Variants in ETNK1 observed in about 807,000 individuals in gnomAD.
The protein encoded by ETNK1 is putative protein product of Nbla10396.
In ETNK1, 8 loss-of-function variants were observed where a neutral mutation model predicts 45.1. That is an observed-to-expected ratio of 0.18 (90% CI 0.10 to 0.32). ETNK1 has a LOEUF of 0.32. Ranked by LOEUF, ETNK1 falls within the 10% of genes least tolerant of loss-of-function variation. The probability of loss-of-function intolerance (pLI) is 1.00; values close to 1 mark genes in which losing one functional copy is unlikely to be tolerated. For synonymous variants in ETNK1, 152 were observed against 151.9 expected, an observed-to-expected ratio of 1.00 and a Z score of -0.01; for missense variants, 302 against 430.6, an observed-to-expected ratio of 0.70 and a Z score of 2.64.
At chr12:22,630,949 A>G (rs1953572036) in intron 1 of ETNK1, among the ~76,000 whole-genome samples, 1 of 152,086 alleles carries the variant, frequency 6.6e-6, no homozygotes. Context: ...CATGTATTAG[A>G]GAAGTGACAG....
At chr12:22,676,011 A>C (rs937651003) in intron 6 of ETNK1, among the ~76,000 whole-genome samples, 4 of 152,094 alleles carry the variant, frequency 2.6e-5, no homozygotes, top group African/African-American at 9.7e-5. Flanking sequence ...TCAATTAAAA[A>C]AATTTTTTAT....
At chr12:22,646,286 C>T (rs1487631246) in intron 2 of ETNK1, among the ~76,000 whole-genome samples, 1 of 151,672 alleles carries the variant, frequency 6.6e-6, no homozygotes, top group African/African-American at 2.4e-5. Context: ...AACAAAACGT[C>T]TGAGTTACAC....
intron 4 of ETNK1, among the ~76,000 whole-genome samples, chr12:22,669,120 T>C (rs1954081284): frequency 6.6e-6 from 1 of 152,202 alleles, no homozygotes. Context: ...TAAAAAATTA[T>C]ATATTAAAAC....
At chr12:22,638,257 T>A (rs1408516582) in intron 1 of ETNK1, among the ~76,000 whole-genome samples, 7 of 89,644 alleles carry the variant, frequency 7.8e-5, no homozygotes, top group Non-Finnish European at 1.6e-4. Context: ...AAGGTGGGGT[T>A]TTTTTTTTTT....
In ETNK1 at chr12:22,625,337, C is replaced by T. The variant is rs1411503952; in HGVS notation, c.-94C>T. 1 of 1,583,398 alleles carries T rather than the reference C, an allele frequency of 6.3e-7. No individual in the cohort carries two copies. On this transcript the variant is annotated 5_prime_UTR_variant, in exon 1 of 8. Transcript: ENST00000266517. ...CCCCAGCCCTCCCGCGAGGGCGCCC[C>T]GGGACGGAAGGATCCACCAGTCTGT... is the stretch of plus-strand genomic sequence containing the variant.
At chr12:22,679,702 G>GTTTTTT (rs71444173) in intron 6 of ETNK1, among the ~76,000 whole-genome samples, 2 of 128,542 alleles carry the variant, frequency 1.6e-5, no homozygotes, top group Non-Finnish European at 1.6e-5. Context: ...TTGGTTTTTT[G>GTTTTTT]TTTTTTTTTT....
chr12:22,657,164 T>C lies in ETNK1; in HGVS notation c.417-1850T>C, dbSNP rs562318425. On this transcript the variant is annotated intron_variant, in intron 2 of 7. Coordinates refer to ENST00000266517, the MANE Select transcript of ETNK1 (RefSeq NM_018638.5). ...TATATGAGACTAACATAAAAATAGA[T>C]TTGTTTTCTGTATTCTTGTGGACAT... is the stretch of plus-strand genomic sequence containing the variant. Among the ~76,000 whole-genome samples, 8 of 152,294 alleles carry C rather than the reference T, an allele frequency of 5.3e-5. No individual in the cohort carries two copies. In the South Asian group the frequency reaches 1.5e-3, roughly 28 times the overall value.
chr12:22,659,260 C>T (rs996612709), intron 3 of ETNK1, 106 bp downstream of exon 3: 4 of 1,161,248 alleles, frequency 3.4e-6, no homozygotes, highest in Non-Finnish European at 4.7e-6. Context: ...GGTTTTCTTT[C>T]TTTGCATTGA....
At chr12:22,626,678 G>A (rs1953503107) in intron 1 of ETNK1, among the ~76,000 whole-genome samples, 1 of 152,128 alleles carries the variant, frequency 6.6e-6, no homozygotes, top group African/African-American at 2.4e-5. Context: ...TCATGTGTTA[G>A]TTTCAGTTCT....
At chr12:22,642,871 G>C (rs916929613) in intron 1 of ETNK1, among the ~76,000 whole-genome samples, 2 of 151,964 alleles carry the variant, frequency 1.3e-5, no homozygotes, top group African/African-American at 2.4e-5. Context: ...GATTAATACA[G>C]AGGAAAATGA....
At chr12:22,665,502 G>A (rs1214581619) in intron 4 of ETNK1, among the ~76,000 whole-genome samples, 1 of 152,110 alleles carries the variant, frequency 6.6e-6, no homozygotes, top group Admixed American at 6.5e-5. Flanking sequence ...GCTCTTAGTT[G>A]TAGCTATTAT....
At chr12:22,664,480 G>A (rs1054644788) in intron 4 of ETNK1, among the ~76,000 whole-genome samples, 4 of 151,924 alleles carry the variant, frequency 2.6e-5, no homozygotes, top group African/African-American at 9.7e-5. Context: ...TTATACACAA[G>A]GCACACATAC....
At chr12:22,653,505 T>G (rs1257811352) in intron 2 of ETNK1, among the ~76,000 whole-genome samples, 2 of 152,142 alleles carry the variant, frequency 1.3e-5, no homozygotes, top group Non-Finnish European at 2.9e-5. Flanking sequence ...GTCTTTCTGT[T>G]TATTTGTGTA....
At position 22,682,251 on chromosome 12, in the gene ETNK1, C is replaced by T. The variant is rs538991561; in HGVS notation, c.946-2232C>T. On this transcript the variant is annotated intron_variant, in intron 6 of 7. Coordinates refer to ENST00000266517, the MANE Select transcript of ETNK1 (RefSeq NM_018638.5). ...AGAAGCTGTTAAGCTCACAGAATCACATAAAACTTTTCTCATGTTCTAATT... is the reference window on the plus strand; with the variant it reads ...AGAAGCTGTTAAGCTCACAGAATCATATAAAACTTTTCTCATGTTCTAATT... 44 of 483,284 alleles carry T rather than the reference C, an allele frequency of 9.1e-5. No individual in the cohort carries two copies. In the East Asian group the frequency reaches 2.4e-3, roughly 26 times the overall value. The allele number at this position is 483,284 out of a possible 1,614,324, so 29.9% of individuals were successfully genotyped here.
At position 22,673,732 on chromosome 12, in the gene ETNK1, T is replaced by C. The variant is rs1417095408; in HGVS notation, c.945+72T>C. ...AAAATGCTTCTAAATTTTCGTCATCTTAGACAATTTCCTATTTTAAGTTTT... is the reference window on the plus strand; with the variant it reads ...AAAATGCTTCTAAATTTTCGTCATCCTAGACAATTTCCTATTTTAAGTTTT... On this transcript the variant is annotated intron_variant, in intron 6 of 7. Coordinates refer to ENST00000266517, the MANE Select transcript of ETNK1 (RefSeq NM_018638.5). The C allele has an allele frequency of 4.3e-6, 6 of 1,387,632 alleles. No individual in the cohort carries two copies. In the East Asian group the frequency reaches 1.4e-4, roughly 32 times the overall value. The allele number at this position is 1,387,632 out of a possible 1,614,324, so 86.0% of individuals were successfully genotyped here.
chr12:22,645,886 A>G (rs994398350), intron 2 of ETNK1, among the ~76,000 whole-genome samples: 3 of 151,876 alleles, frequency 2.0e-5, no homozygotes, highest in Non-Finnish European at 4.4e-5. Context: ...TTTACTCAGA[A>G]TATGTATAAG....
At position 22,659,018 on chromosome 12, in the gene ETNK1, A is replaced by G; in HGVS notation, c.421A>G (p.Ile141Val). The change falls in exon 3 of 8, where the codon ATA becomes GTA. Residue 141 changes from isoleucine to valine, a missense_variant. Ile to Val is a conservative substitution (Grantham distance 29). This residue lies in a region of ETNK1 where 205 missense variants were observed against 259.9 expected (regional missense o/e 0.79). Transcript: ENST00000266517. Reference sequence around the variant, plus strand: ...ATGCGGTTTTGTTTTAAACAGGCTAATAGCTCGTCAGCTTGCTAAAATCCA... The same window carrying G: ...ATGCGGTTTTGTTTTAAACAGGCTAGTAGCTCGTCAGCTTGCTAAAATCCA... ...HVCNPAIFRL[I>V]ARQLAKIHAI... 1.4e-5 allele frequency: 22 copies of G among 1,613,088 alleles called. No homozygotes were observed. Among genetic ancestry groups the G allele is most frequent in the Non-Finnish European group, 1.9e-5 (22 of 1,179,744 alleles).
chr12:22,684,648 A>G, intron 7 of ETNK1, 92 bp downstream of exon 7: 2 of 952,576 alleles, frequency 2.1e-6, no homozygotes, highest in East Asian at 2.5e-5. Context: ...GTTATTTGCA[A>G]TCAATTATAA....
intron 2 of ETNK1, chr12:22,656,388 C>T (rs1024565763): frequency 1.0e-6 from 1 of 985,140 alleles, no homozygotes; most frequent in Non-Finnish European, 1.2e-6. Flanking sequence ...TGTGCAGGGC[C>T]TCCTTGTCTT....
Sources: gnomAD v4.1 joint callset for allele counts (sites outside exome capture counted in the v4.1 genomes callset) on GRCh38, gnomAD v4.1.1 for gene constraint, gnomAD v4.1.1 regional missense constraint, MANE v1.5 for transcripts, NCBI Gene and HGNC (gene_info 2026-07-23, HGNC 2026-07-21) for gene names.